TSPAN33: variants seen among roughly 807,000 people sequenced by gnomAD.
TSPAN33 encodes tetraspanin 33.
TSPAN33 carries 27 observed loss-of-function variants against 34.8 expected under a neutral mutation model. The ratio of observed to expected loss-of-function variants is 0.78; its 90% CI spans 0.57 to 1.07. The LOEUF (loss-of-function observed/expected upper bound fraction) is 1.07, where lower values mean the gene tolerates loss of function less well. TSPAN33 is among the 50% of genes least tolerant of loss of function. The pLI, the probability that TSPAN33 is intolerant of heterozygous loss-of-function variation, is 0.00. For missense variants in TSPAN33, 272 were observed against 324.9 expected, an observed-to-expected ratio of 0.84 and a Z score of 1.25; for synonymous variants, 119 against 124.2, an observed-to-expected ratio of 0.96 and a Z score of 0.28.
Position 129,162,379 on chromosome 7 carries a change from C to T in TSPAN33, c.161-15C>T, listed in dbSNP as rs374105611. On this transcript the variant is annotated splice_polypyrimidine_tract_variant and intron_variant, in intron 2 of 7. Transcript: ENST00000486685. Reference sequence around the variant, plus strand: ...TGGGCACCAGGCTCAGGCTGAGGGCCGGCTCCTTTTCCAGAAGCAGCCCTA... The same window carrying T: ...TGGGCACCAGGCTCAGGCTGAGGGCTGGCTCCTTTTCCAGAAGCAGCCCTA... The T allele has an allele frequency of 6.6e-5, 107 of 1,610,456 alleles. No individual in the cohort carries two copies. The highest frequency in any genetic ancestry group is 8.9e-5 in the East Asian group (4 of 44,890).
At position 129,151,564 on chromosome 7, in the gene TSPAN33, TA is replaced by T. The variant is rs531878563; in HGVS notation, c.102+6483del. Among the ~76,000 whole-genome samples, 4 of 152,246 alleles carry T rather than the reference TA, an allele frequency of 2.6e-5. No individual in the cohort carries two copies. The East Asian group carries it at 7.7e-4, about 29-fold the overall frequency. ...GGCCCTGCAACCTTTCCTCTCCTAT[TA>T]CTGATGGCCCTGAAGTACTGTCTTG... is the stretch of plus-strand genomic sequence containing the variant. On this transcript the variant is annotated intron_variant, in intron 1 of 7. Transcript: ENST00000486685.
rs1793131701 is a variant in TSPAN33, at chr7:129,165,876, C to T, written c.460-902C>T. ...AGTGAGCCAAGATCATGCCATTGCA[C>T]TCCAGCCTGGGTGACAGACAGAGAC... On this transcript the variant is annotated intron_variant, in intron 5 of 7. Transcript: ENST00000486685. This position sits in a 1 kb window ranked among gnomAD's most constrained non-coding sequence, Gnocchi z 4.5. 6.6e-6 allele frequency among the ~76,000 whole-genome samples: 1 copy of T among 152,008 alleles called. No individual in the cohort carries two copies. The highest frequency in any genetic ancestry group is 2.4e-5 in the African/African-American group (1 of 41,420).
At chr7:129,150,080 C>T (rs1346787623) in intron 1 of TSPAN33, among the ~76,000 whole-genome samples, 3 of 152,210 alleles carry the variant, frequency 2.0e-5, no homozygotes, top group Non-Finnish European at 4.4e-5. Flanking sequence ...CAGGGAACCA[C>T]TTTACCCTCA....
At chr7:129,155,737 T>C (rs1021910605) in intron 1 of TSPAN33, among the ~76,000 whole-genome samples, 3 of 152,112 alleles carry the variant, frequency 2.0e-5, no homozygotes, top group Non-Finnish European at 4.4e-5. Context: ...CTTTCTTTTT[T>C]TTGAGACAGG....
At chr7:129,155,632 A>T (rs1045901315) in intron 1 of TSPAN33, among the ~76,000 whole-genome samples, 3 of 147,544 alleles carry the variant, frequency 2.0e-5, no homozygotes, top group Non-Finnish European at 4.5e-5. Flanking sequence ...TAATAGTATT[A>T]TCATTATGGT....
chr7:129,164,872 A>C (rs1033860830), intron 5 of TSPAN33: 1 of 277,056 alleles, frequency 3.6e-6, no homozygotes, highest in Non-Finnish European at 7.0e-6. Context: ...GGAGTGAGTT[A>C]TCTCATTTGA....
intron 3 of TSPAN33, 143 bp downstream of exon 3, chr7:129,162,664 G>C: frequency 6.8e-7 from 1 of 1,476,246 alleles, no homozygotes; most frequent in East Asian, 2.3e-5. Flanking sequence ...TAGCCCGGGT[G>C]ACCCAGCACA....
chr7:129,158,102 C>T (rs922561883), intron 1 of TSPAN33, among the ~76,000 whole-genome samples: 1 of 152,178 alleles, frequency 6.6e-6, no homozygotes, highest in Non-Finnish European at 1.5e-5. Context: ...CCACAGCAGT[C>T]CAGCCTCTGC....
At chr7:129,149,507 G>A (rs1040474642) in intron 1 of TSPAN33, among the ~76,000 whole-genome samples, 16 of 152,100 alleles carry the variant, frequency 1.1e-4, no homozygotes, top group Admixed American at 7.2e-4. Context: ...GCAGTGAGCC[G>A]AGATTATTAC....
At chr7:129,150,166 G>C (rs1332588789) in intron 1 of TSPAN33, among the ~76,000 whole-genome samples, 1 of 152,180 alleles carries the variant, frequency 6.6e-6, no homozygotes, top group Non-Finnish European at 1.5e-5. Flanking sequence ...AGACAGTGGG[G>C]CTCCACTGCT....
chr7:129,164,750 C>T (rs1421859967), intron 5 of TSPAN33, 181 bp downstream of exon 5: 6 of 579,840 alleles, frequency 1.0e-5, no homozygotes, highest in Non-Finnish European at 1.9e-5. Context: ...AGACACAGAA[C>T]AGTATATATA....
At position 129,148,096 on chromosome 7, in the gene TSPAN33, G is replaced by A. The variant is rs551494343; in HGVS notation, c.102+3014G>A. ...TCACCTCCCTCTGCAGGACAGCTCC[G>A]TGCAGATATTGGGGTGGTGCCTGCT... On this transcript the variant is annotated intron_variant, in intron 1 of 7. Transcript: ENST00000486685. The surrounding 1 kb of genome is among the most constrained non-coding windows in gnomAD (Gnocchi z 4.2). 1.4e-4 allele frequency among the ~76,000 whole-genome samples: 21 copies of A among 152,172 alleles called. No individual in the cohort carries two copies. Among genetic ancestry groups the A allele is most frequent in the East Asian group, 5.8e-4 (3 of 5,200 alleles).
intron 1 of TSPAN33, among the ~76,000 whole-genome samples, chr7:129,155,139 T>C (rs186386791): frequency 1.6e-3 from 247 of 152,300 alleles, no homozygotes; most frequent in African/African-American, 5.7e-3. Context: ...TTATGTTAAG[T>C]GAATAAGCTG....
At chr7:129,147,880 G>A (rs910615468) in intron 1 of TSPAN33, among the ~76,000 whole-genome samples, 1 of 152,170 alleles carries the variant, frequency 6.6e-6, no homozygotes, top group African/African-American at 2.4e-5. Context: ...AATTTTGGGG[G>A]ACTGGGACCA....
At chr7:129,154,833 A>C (rs1249793036) in intron 1 of TSPAN33, among the ~76,000 whole-genome samples, 1 of 152,248 alleles carries the variant, frequency 6.6e-6, no homozygotes, top group Non-Finnish European at 1.5e-5. Flanking sequence ...AAAATTGAGA[A>C]GATAGTACAG....
chr7:129,144,906 C>T lies in TSPAN33; in HGVS notation c.-75C>T. On this transcript the variant is annotated 5_prime_UTR_variant, in exon 1 of 8. Transcript: ENST00000486685. ...GCGCGGCGCGGCTCGGCTCATGCCC[C>T]CGGGCGCGGGGCACACAGGCCGGCC... is the stretch of plus-strand genomic sequence containing the variant. 3.3e-6 allele frequency: 1 copy of T among 300,382 alleles called. No individual in the cohort carries two copies. Among genetic ancestry groups the T allele is most frequent in the Non-Finnish European group, 6.0e-6 (1 of 167,324 alleles). 18.6% of individuals were successfully genotyped at this position (300,382 alleles called of 1,614,324 possible). A position where few individuals can be genotyped will look rare whatever the true frequency, so the allele number is the denominator to read the frequency against.
At chr7:129,145,600 C>T (rs1005463181) in intron 1 of TSPAN33, among the ~76,000 whole-genome samples, 1 of 151,304 alleles carries the variant, frequency 6.6e-6, no homozygotes, top group African/African-American at 2.4e-5. Flanking sequence ...CCTCCAGGTG[C>T]AGATGTCTTT....
chr7:129,149,227 C>A lies in TSPAN33; in HGVS notation c.102+4145C>A, dbSNP rs554767281. Among the ~76,000 whole-genome samples, 286 of 152,232 alleles carry A rather than the reference C, an allele frequency of 1.9e-3. 1 individual carries two copies. Among genetic ancestry groups the A allele is most frequent in the African/African-American group, 5.9e-3 (245 of 41,536 alleles). ...CCCAGCAGCTTTGTTTGCCCTGTAC[C>A]AAGTAGAAAACCATAAACGTCAAGC... On this transcript the variant is annotated intron_variant, in intron 1 of 7. Transcript: ENST00000486685.
chr7:129,166,061 C>T (rs1221395298), intron 5 of TSPAN33, among the ~76,000 whole-genome samples: 1 of 152,088 alleles, frequency 6.6e-6, no homozygotes, highest in African/African-American at 2.4e-5. Flanking sequence ...CCTCAGCCTC[C>T]TGAGTAGCTG....
Sources: gnomAD v4.1 joint callset for allele counts (sites outside exome capture counted in the v4.1 genomes callset) on GRCh38, gnomAD v4.1.1 for gene constraint, Gnocchi (gnomAD v3.1) non-coding constraint, MANE v1.5 for transcripts, NCBI Gene and HGNC (gene_info 2026-07-23, HGNC 2026-07-21) for gene names.